The following SIPA1L1 variants were observed in gnomAD, a reference collection of about 807,000 sequenced individuals.
SIPA1L1 encodes the protein signal induced proliferation associated 1 like 1.
In SIPA1L1, 26 loss-of-function variants were observed where a neutral mutation model predicts 162.7. The ratio of observed to expected loss-of-function variants is 0.16; its 90% CI spans 0.12 to 0.22. SIPA1L1 has a LOEUF of 0.22. Ranked by LOEUF, SIPA1L1 falls within the 10% of genes least tolerant of loss-of-function variation. The pLI is 1.00. For missense variants in SIPA1L1, 1,874 were observed against 2,241.0 expected (o/e 0.84, Z 3.31); for synonymous variants, 829 against 837.4 (o/e 0.99, Z 0.17).
In SIPA1L1 at chr14:71,723,806, G is replaced by A; in HGVS notation, c.4368G>A (p.Gln1456=). The change falls in exon 18 of 24, where the codon CAG becomes CAA. Residue 1456 remains glutamine (Q), a synonymous_variant. Coordinates refer to ENST00000381232, the MANE Select transcript of SIPA1L1 (RefSeq NM_001386936.1). ...GTCCTAGGAGTTTTTACCCTCGCCA[G>A]GGCGCTACTAGCAAGTACCTGATTG... ...SSGPRSFYPR[Q]GATSKYLIGW... is the part of the protein sequence containing the mutation. 6.2e-7 allele frequency: 1 copy of A among 1,614,182 alleles called. No homozygotes were observed. Among genetic ancestry groups the A allele is most frequent in the Non-Finnish European group, 8.5e-7 (1 of 1,180,032 alleles).
At chr14:71,464,969 T>C (rs1252852884) in intron 2 of SIPA1L1, among the ~76,000 whole-genome samples, 1 of 152,182 alleles carries the variant, frequency 6.6e-6, no homozygotes, top group African/African-American at 2.4e-5. Flanking sequence ...TCCTGGCAAC[T>C]GCCTTAGGGG....
At chr14:71,702,619 A>G in intron 15 of SIPA1L1, 114 bp downstream of exon 15, 1 of 903,762 alleles carries the variant, frequency 1.1e-6, no homozygotes, top group Non-Finnish European at 1.7e-6. Context: ...AATAAATATG[A>G]ATTAGAATTA....
At chr14:71,354,076 C>A (rs1444947403) in intron 2 of SIPA1L1, among the ~76,000 whole-genome samples, 1 of 151,968 alleles carries the variant, frequency 6.6e-6, no homozygotes, top group Non-Finnish European at 1.5e-5. Flanking sequence ...TGAGGACCTA[C>A]AGATGCAGGT....
At chr14:71,373,572 GC>G (rs2039094146) in intron 2 of SIPA1L1, among the ~76,000 whole-genome samples, 1 of 147,022 alleles carries the variant, frequency 6.8e-6, no homozygotes, top group African/African-American at 2.5e-5. Context: ...CAGGAAAATC[GC>G]TTGAACCCGG....
At chr14:71,630,718 C>G (rs1052265357) in intron 7 of SIPA1L1, among the ~76,000 whole-genome samples, 4 of 152,034 alleles carry the variant, frequency 2.6e-5, no homozygotes, top group Non-Finnish European at 4.4e-5. Context: ...GTTCCTATGA[C>G]CCTTTTCTCC....
At chr14:71,330,625 G>T in intron 2 of SIPA1L1, 3 of 928,098 alleles carry the variant, frequency 3.2e-6, no homozygotes, top group South Asian at 1.3e-5. Flanking sequence ...GATGGTTTGG[G>T]GCGGAAACTG....
At chr14:71,673,015 T>C (rs1231329845) in intron 12 of SIPA1L1, among the ~76,000 whole-genome samples, 1 of 152,214 alleles carries the variant, frequency 6.6e-6, no homozygotes, top group East Asian at 1.9e-4. Flanking sequence ...GATGCTCTTA[T>C]TCTCTTCTCT....
At chr14:71,477,166 C>T (rs1464908121) in intron 2 of SIPA1L1, among the ~76,000 whole-genome samples, 1 of 152,128 alleles carries the variant, frequency 6.6e-6, no homozygotes, top group Non-Finnish European at 1.5e-5. Context: ...GAGGCTGAGG[C>T]AGGAGAGTTG....
chr14:71,673,218 C>T (rs2044719602), intron 12 of SIPA1L1, among the ~76,000 whole-genome samples: 1 of 152,082 alleles, frequency 6.6e-6, no homozygotes, highest in East Asian at 1.9e-4. Context: ...CCCCACCCAA[C>T]CCCCCACAGC....
chr14:71,706,418 T>G (rs1313824473), intron 16 of SIPA1L1, among the ~76,000 whole-genome samples: 1 of 152,250 alleles, frequency 6.6e-6, no homozygotes, highest in Non-Finnish European at 1.5e-5. Flanking sequence ...TTTCACATGT[T>G]TCTTTTCTAC....
intron 8 of SIPA1L1, among the ~76,000 whole-genome samples, chr14:71,652,693 T>C (rs1378757760): frequency 6.6e-6 from 1 of 151,972 alleles, no homozygotes. Flanking sequence ...TCTATTAATA[T>C]ATCTTAAAGC....
At chr14:71,327,134 G>C (rs1214906900) in intron 2 of SIPA1L1, among the ~76,000 whole-genome samples, 4 of 147,092 alleles carry the variant, frequency 2.7e-5, no homozygotes, top group Admixed American at 2.0e-4. Flanking sequence ...GCAGGCTGGA[G>C]TGCAGTGATG....
intron 2 of SIPA1L1, among the ~76,000 whole-genome samples, chr14:71,444,779 A>G (rs1001994466): frequency 6.6e-6 from 1 of 152,186 alleles, no homozygotes. Context: ...TTCTACCTGC[A>G]TACTGTTGAG....
chr14:71,539,386 T>C (rs1036620395), intron 4 of SIPA1L1, among the ~76,000 whole-genome samples: 4 of 152,196 alleles, frequency 2.6e-5, no homozygotes, highest in African/African-American at 9.7e-5. Context: ...TTCCAGAGAA[T>C]AGCTACTTCT....
intron 4 of SIPA1L1, among the ~76,000 whole-genome samples, chr14:71,536,486 G>A (rs1460060575): frequency 1.3e-5 from 2 of 152,214 alleles, no homozygotes; most frequent in Admixed American, 1.3e-4. Context: ...AGTAAAGAGT[G>A]TAAAAGTTGT....
intron 5 of SIPA1L1, chr14:71,598,329 C>T (rs2036287721): frequency 3.6e-6 from 2 of 562,464 alleles, no homozygotes; most frequent in Non-Finnish European, 4.5e-6. Context: ...GCATGATCTC[C>T]AGGTATCTCC....
At chr14:71,358,437 A>G (rs2037483677) in intron 2 of SIPA1L1, among the ~76,000 whole-genome samples, 1 of 152,170 alleles carries the variant, frequency 6.6e-6, no homozygotes, top group Non-Finnish European at 1.5e-5. Context: ...CATTACGTGT[A>G]TAGTCGGTAC....
intron 13 of SIPA1L1, among the ~76,000 whole-genome samples, chr14:71,692,439 G>A (rs1028320541): frequency 2.0e-5 from 3 of 152,230 alleles, no homozygotes; most frequent in African/African-American, 7.2e-5. Context: ...GCCAAGACAA[G>A]GGAGAAAAGC....
intron 14 of SIPA1L1, among the ~76,000 whole-genome samples, chr14:71,700,341 C>T (rs1224589119): frequency 6.6e-6 from 1 of 151,956 alleles, no homozygotes; most frequent in Non-Finnish European, 1.5e-5. Context: ...TGAGTCCAGC[C>T]GGACAACATA....
Sources: allele counts gnomAD v4.1 joint callset (sites outside exome capture counted in the v4.1 genomes callset), GRCh38; gene constraint gnomAD v4.1.1; transcripts MANE v1.5; gene names NCBI Gene and HGNC (gene_info 2026-07-23, HGNC 2026-07-21).